The following OGDHL variants were observed in gnomAD, a reference collection of about 807,000 sequenced individuals.
OGDHL encodes the protein 2-oxoglutarate dehydrogenase-like, mitochondrial.
Under a neutral mutation model 109.6 loss-of-function variants are expected in OGDHL, and 79 were observed. The observed-to-expected ratio is 0.72, with a 90% CI of 0.60 to 0.87. OGDHL has a LOEUF of 0.87. OGDHL is among the 40% of genes least tolerant of loss of function. The pLI is 0.00. For synonymous variants in OGDHL, 528 were observed against 537.2 expected, an observed-to-expected ratio of 0.98 and a Z score of 0.24; for missense variants, 1,275 against 1,362.2, an observed-to-expected ratio of 0.94 and a Z score of 1.01.
Position 49,747,032 on chromosome 10 carries a change from C to T in OGDHL, c.1164G>A (p.Lys388=). ...GGGTTCCCCCAGGTGAGCTCACCTT[C>T]TTGCCCTGGGCATCTCCACGGTAGA... ...EQFYRGDAQG[K]KVMSILVHGD... The change falls in exon 9 of 23, where the codon AAG becomes AAA. Residue 388 remains lysine, a synonymous_variant. Coordinates refer to ENST00000374103, the MANE Select transcript of OGDHL (RefSeq NM_018245.3). The T allele has an allele frequency of 1.2e-6, 2 of 1,613,920 alleles. No homozygotes were observed. Among genetic ancestry groups the T allele is most frequent in the Non-Finnish European group, 1.7e-6 (2 of 1,179,804 alleles).
rs762564210 is a variant in OGDHL at position 49,745,363 on chromosome 10, A to G, written c.1610T>C (p.Val537Ala). The G allele has an allele frequency of 6.2e-7, 1 of 1,613,944 alleles. No individual in the cohort carries two copies. The highest frequency in any genetic ancestry group is 1.7e-5 in the Admixed American group (1 of 60,030). The change falls in exon 12 of 23, where the codon GTC (valine) becomes GCC (alanine). Residue 537 changes from valine to alanine, a missense_variant. Val to Ala is a moderately conservative substitution (Grantham distance 64). Transcript: ENST00000374103. ...YADKLIAEGTVTLQEFEEEIA... is the reference protein window; with the variant it reads ...YADKLIAEGTATLQEFEEEIA... ...GCCCACCTCAAACTCCTGCAGGGTG[A>G]CTGTGCCCTCGGCAATCAGCTTGTC...
intron 15 of OGDHL, among the ~76,000 whole-genome samples, 185 bp downstream of exon 15, chr10:49,742,643 G>A (rs1224463602): frequency 6.6e-6 from 1 of 151,598 alleles, no homozygotes; most frequent in African/African-American, 2.4e-5. Context: ...CTTGGGCCCA[G>A]CAGTGAGCTC....
At position 49,758,570 on chromosome 10, in the gene OGDHL, G is replaced by A. The variant is rs200629482; in HGVS notation, c.23C>T (p.Pro8Leu). The A allele has an allele frequency of 5.6e-5, 91 of 1,613,880 alleles. 1 individual carries two copies. Among genetic ancestry groups the A allele is most frequent in the Middle Eastern group, 4.9e-4 (3 of 6,062 alleles). MSQLRLL[P>L]SRLGVQAARL... ...CGCAGCCTGTACCCCAAGACGGGACGGCAGCAGCCTCAGCTGACTCATTCT... is the reference window on the plus strand; with the variant it reads ...CGCAGCCTGTACCCCAAGACGGGACAGCAGCAGCCTCAGCTGACTCATTCT... Residue 8 changes from proline (P) to leucine (L), a missense_variant, in exon 2 of 23, where the codon CCG (proline) becomes CTG (leucine). Physicochemically the swap from Pro to Leu is moderately conservative, Grantham distance 98. Transcript: ENST00000374103.
chr10:49,748,513 C>T (rs1842354910), intron 8 of OGDHL, among the ~76,000 whole-genome samples: 1 of 152,088 alleles, frequency 6.6e-6, no homozygotes, highest in Admixed American at 6.5e-5. Flanking sequence ...TCACAATGAT[C>T]AAATTTCTTT....
intron 2 of OGDHL, among the ~76,000 whole-genome samples, chr10:49,757,373 T>G (rs1198136769): frequency 6.6e-6 from 1 of 152,132 alleles, no homozygotes; most frequent in African/African-American, 2.4e-5. Context: ...ATAAGAACAA[T>G]GTAAAAGCGC....
rs769242220 is a variant in OGDHL, at chr10:49,737,257, C to T, written c.2590+529G>A. Among the ~76,000 whole-genome samples, 147 of 152,280 alleles carry T rather than the reference C, an allele frequency of 9.7e-4. 1 individual carries two copies. The highest frequency in any genetic ancestry group is 2.6e-4 in the Non-Finnish European group (18 of 68,022). ...TCCAACCCCTGTCCATGCTGAGGCCCTTCCCAGCCCTCCCTCTACTGCCCA... is the reference window on the plus strand; with the variant it reads ...TCCAACCCCTGTCCATGCTGAGGCCTTTCCCAGCCCTCCCTCTACTGCCCA... On this transcript the variant is annotated intron_variant, in intron 20 of 22. Coordinates refer to ENST00000374103, the MANE Select transcript of OGDHL (RefSeq NM_018245.3).
intron 15 of OGDHL, among the ~76,000 whole-genome samples, chr10:49,742,237 CCACA>C (rs777101846): frequency 1.5e-4 from 21 of 139,276 alleles, no homozygotes; most frequent in African/African-American, 2.9e-4. Flanking sequence ...CACGCACACA[CCACA>C]CATACACCAC....
At position 49,736,156 on chromosome 10, in the gene OGDHL, G is replaced by A. The variant is rs777748579; in HGVS notation, c.2776C>T (p.Leu926=). 2 of 1,601,072 alleles carry A rather than the reference G, an allele frequency of 1.2e-6. No homozygotes were observed. The highest frequency in any genetic ancestry group is 2.7e-5 in the African/African-American group (2 of 74,712). The change falls in exon 22 of 23, where the codon CTG becomes TTG. Residue 926 remains leucine (L), a synonymous_variant. Transcript: ENST00000374103. ...LEQISPFPFD[L]IKQEAEKYPG... is the part of the protein sequence containing the mutation. Reference sequence around the variant, plus strand: ...TACTTCTCTGCCTCCTGCTTGATCAGGTCGAAGGGGAATGGAGAGATCTGG... The same window carrying A: ...TACTTCTCTGCCTCCTGCTTGATCAAGTCGAAGGGGAATGGAGAGATCTGG...
In OGDHL at chr10:49,738,258, G is replaced by T. The variant is rs760606061; in HGVS notation, c.2324C>A (p.Pro775Gln). The part of the protein sequence containing the change: ...LLPHGMEGMG[P>Q]EHSSARPERF... ...TTCGGGCCTCGCTGACGAGTGCTCT[G>T]GGCCCTGAAAGCAAACGCCAGACAG... Residue 775 changes from proline to glutamine, a missense_variant, in exon 18 of 23, where the codon CCA (proline) becomes CAA (glutamine). Transcript: ENST00000374103. The T allele has an allele frequency of 1.9e-6, 3 of 1,612,654 alleles. No individual in the cohort carries two copies. Among genetic ancestry groups the T allele is most frequent in the Admixed American group, 1.7e-5 (1 of 59,992 alleles).
chr10:49,736,280 C>T, intron 21 of OGDHL, 77 bp downstream of exon 21: 1 of 1,592,564 alleles, frequency 6.3e-7, no homozygotes. Context: ...ATCTGGCCTG[C>T]CTGGCACATT....
chr10:49,753,028 A>G (rs2133076676), intron 3 of OGDHL, among the ~76,000 whole-genome samples: 1 of 152,354 alleles, frequency 6.6e-6, no homozygotes, highest in South Asian at 2.1e-4. Flanking sequence ...GAAATTCTAG[A>G]AACTTCCCCA....
chr10:49,747,191 C>T lies in OGDHL; in HGVS notation c.1005G>A (p.Lys335=), dbSNP rs897303733. The T allele has an allele frequency of 1.2e-6, 2 of 1,613,980 alleles. No homozygotes were observed. The highest frequency in any genetic ancestry group is 2.7e-5 in the African/African-American group (2 of 74,932). ...TCTCATGGTACATGCCCAGGTGGTACTTGACATCCCCGGAGCCCTGAAGGT... is the reference window on the plus strand; with the variant it reads ...TCTCATGGTACATGCCCAGGTGGTATTTGACATCCCCGGAGCCCTGAAGGT... The part of the protein sequence containing the change: ...EAADEGSGDV[K]YHLGMYHERI... Residue 335 remains lysine, a synonymous_variant, in exon 9 of 23, where the codon AAG becomes AAA. Transcript: ENST00000374103.
At chr10:49,745,269 G>C in intron 12 of OGDHL, 75 bp downstream of exon 12, 1 of 1,558,438 alleles carries the variant, frequency 6.4e-7, no homozygotes, top group Non-Finnish European at 8.7e-7. Flanking sequence ...GCACTGGGCT[G>C]GTAACATCTA....
In OGDHL at chr10:49,745,959, G is replaced by T; in HGVS notation, c.1315C>A (p.Pro439Thr). Reference sequence around the variant, plus strand: ...TATGGTGAGGAGCGGGCCATTCGGGGGTCTGTGGTGAATCCAATCTGCAGA... The same window carrying T: ...TATGGTGAGGAGCGGGCCATTCGGGTGTCTGTGGTGAATCCAATCTGCAGA... ...VNNQIGFTTD[P>T]RMARSSPYPT... The change falls in exon 11 of 23, where the codon CCC becomes ACC. Residue 439 changes from proline to threonine, a missense_variant. Coordinates refer to ENST00000374103, the MANE Select transcript of OGDHL (RefSeq NM_018245.3). The T allele has an allele frequency of 6.2e-7, 1 of 1,614,116 alleles. No homozygotes were observed. The highest frequency in any genetic ancestry group is 8.5e-7 in the Non-Finnish European group (1 of 1,179,982).
rs34646233 is a variant in OGDHL, at chr10:49,754,676, GAA to G, written c.376-1938_376-1937del. 5.2e-3 allele frequency among the ~76,000 whole-genome samples: 771 copies of G among 147,594 alleles called. 9 individuals are homozygous for G. The highest frequency in any genetic ancestry group is 0.017 in the African/African-American group (676 of 40,048). On this transcript the variant is annotated intron_variant, in intron 3 of 22. Transcript: ENST00000374103. ...CCATCACCACCAGGAAGCTGATTTTGAAAAAAAAAAAAATCAAATGTCTATGG... is the reference window on the plus strand; with the variant it reads ...CCATCACCACCAGGAAGCTGATTTTGAAAAAAAAAAATCAAATGTCTATGG...
At chr10:49,746,655 C>T in intron 10 of OGDHL, 95 bp downstream of exon 10, 1 of 1,513,052 alleles carries the variant, frequency 6.6e-7, no homozygotes, top group Non-Finnish European at 9.0e-7. Context: ...GCAGTGGGCT[C>T]AGAGCCAGGA....
chr10:49,736,716 G>A (rs1260296500), intron 20 of OGDHL, among the ~76,000 whole-genome samples, 196 bp from the exon 21 acceptor site: 1 of 152,184 alleles, frequency 6.6e-6, no homozygotes, highest in Non-Finnish European at 1.5e-5. Flanking sequence ...CATAGGGAGA[G>A]GGGTGGAGAC....
In OGDHL at chr10:49,751,957, G is replaced by C. The variant is rs762233351; in HGVS notation, c.619C>G (p.Leu207Val). The change falls in exon 6 of 23, where the codon CTG becomes GTG. Residue 207 changes from leucine to valine, a missense_variant. Physicochemically the swap from Leu to Val is conservative, Grantham distance 32. Transcript: ENST00000374103. ...ACATCGTTGATGAACATGAACTCCA[G>C]GCCAATGTGCTGGCAGTAGGTGTTC... ...LENTYCQHIG[L>V]EFMFINDVEQ... is the part of the protein sequence containing the mutation. The C allele has an allele frequency of 6.2e-7, 1 of 1,614,168 alleles. No homozygotes were observed. Among genetic ancestry groups the C allele is most frequent in the African/African-American group, 1.3e-5 (1 of 75,046 alleles).
chr10:49,739,743 T>G lies in OGDHL; in HGVS notation c.2237A>C (p.Asp746Ala). 1.9e-6 allele frequency: 3 copies of G among 1,614,050 alleles called. No individual in the cohort carries two copies. Among genetic ancestry groups the G allele is most frequent in the Non-Finnish European group, 1.7e-6 (2 of 1,179,978 alleles). ...GGCCTGGCCGGTGCTGATGAACTGGTCGATGATGCACTGGGCCGTGTTGTG... is the reference window on the plus strand; with the variant it reads ...GGCCTGGCCGGTGCTGATGAACTGGGCGATGATGCACTGGGCCGTGTTGTG... ...DFHNTAQCII[D>A]QFISTGQAKW... Residue 746 changes from aspartate to alanine, a missense_variant, in exon 17 of 23, where the codon GAC (aspartate) becomes GCC (alanine). By Grantham distance (126) the Asp-to-Ala change is moderately radical. Coordinates refer to ENST00000374103, the MANE Select transcript of OGDHL (RefSeq NM_018245.3).
Sources: allele counts gnomAD v4.1 joint callset (sites outside exome capture counted in the v4.1 genomes callset), GRCh38; gene constraint gnomAD v4.1.1; transcripts MANE v1.5; gene names NCBI Gene and HGNC (gene_info 2026-07-23, HGNC 2026-07-21).